IKZF1: variants seen among roughly 807,000 people sequenced by gnomAD.
IKZF1 encodes IKAROS family zinc finger 1.
A neutral mutation model predicts 51.7 loss-of-function variants in IKZF1; 10 were observed. That is an observed-to-expected ratio of 0.19 (90% CI 0.12 to 0.33). The LOEUF (loss-of-function observed/expected upper bound fraction) is 0.33, where lower values mean the gene tolerates loss of function less well. Among genes scored for constraint, IKZF1 ranks in the 10% least tolerant of loss-of-function variants. IKZF1 has a pLI of 1.00. For synonymous variants in IKZF1, 280 were observed against 282.3 expected, an observed-to-expected ratio of 0.99 and a Z score of 0.08; for missense variants, 484 against 707.5, an observed-to-expected ratio of 0.68 and a Z score of 3.58.
At chr7:50,371,620 C>G (rs530932121) in intron 3 of IKZF1, among the ~76,000 whole-genome samples, 18 of 152,204 alleles carry the variant, frequency 1.2e-4, no homozygotes, top group Non-Finnish European at 2.6e-4. Context: ...ACTGGAAACC[C>G]CTCTCTCAGA....
intron 1 of IKZF1, among the ~76,000 whole-genome samples, chr7:50,316,216 G>A (rs1002580228): frequency 6.6e-6 from 1 of 152,082 alleles, no homozygotes; most frequent in Non-Finnish European, 1.5e-5. Flanking sequence ...AGTGCAGACC[G>A]AAAACTTGAG....
intron 3 of IKZF1, among the ~76,000 whole-genome samples, chr7:50,332,697 G>A (rs1227507496): frequency 6.6e-6 from 1 of 152,234 alleles, no homozygotes; most frequent in Admixed American, 6.5e-5. Context: ...AAGGCCAAAG[G>A]ATTGAGGCCC....
chr7:50,339,726 C>T (rs1798635616), intron 3 of IKZF1, among the ~76,000 whole-genome samples: 2 of 150,998 alleles, frequency 1.3e-5, no homozygotes, highest in African/African-American at 2.4e-5. Context: ...TGTACTCCAG[C>T]CTGGGTGATA....
chr7:50,356,768 C>T (rs917654249), intron 3 of IKZF1, among the ~76,000 whole-genome samples: 3 of 152,072 alleles, frequency 2.0e-5, no homozygotes, highest in Admixed American at 2.0e-4. Flanking sequence ...AGGGCTTTTA[C>T]AATATAGCCA....
chr7:50,389,819 G>A (rs943248677), intron 6 of IKZF1, among the ~76,000 whole-genome samples: 2 of 152,112 alleles, frequency 1.3e-5, no homozygotes, highest in African/African-American at 4.8e-5. Context: ...GTACCCGGAT[G>A]AGTGGAAACT....
chr7:50,357,330 G>C (rs1045968055), intron 3 of IKZF1, among the ~76,000 whole-genome samples: 1 of 151,890 alleles, frequency 6.6e-6, no homozygotes, highest in East Asian at 1.9e-4. Context: ...GATTCTCTGA[G>C]CCAGCCACCA....
At position 50,401,130 on chromosome 7, in the gene IKZF1, GAC is replaced by G. The variant is rs1289583454; in HGVS notation, c.*507_*508del. The G allele has an allele frequency of 1.2e-5, 3 of 250,414 alleles. No individual in the cohort carries two copies. Among genetic ancestry groups the G allele is most frequent in the African/African-American group, 2.2e-5 (1 of 45,380 alleles). The allele number at this position is 250,414 out of a possible 1,614,324, so 15.5% of individuals were successfully genotyped here. On this transcript the variant is annotated 3_prime_UTR_variant, in exon 8 of 8. Transcript: ENST00000331340. ...AGGTGTGCCGCCACCCAAGTGCCAA[GAC>G]ACAGCAGGGCCAACAACCTGTGCCC...
At chr7:50,353,815 G>A (rs760086130) in intron 3 of IKZF1, among the ~76,000 whole-genome samples, 1 of 152,200 alleles carries the variant, frequency 6.6e-6, no homozygotes, top group Non-Finnish European at 1.5e-5. Flanking sequence ...CTCTCCAGGA[G>A]TATCACATTT....
At chr7:50,395,065 T>C (rs1816322752) in intron 7 of IKZF1, among the ~76,000 whole-genome samples, 1 of 152,214 alleles carries the variant, frequency 6.6e-6, no homozygotes, top group South Asian at 2.1e-4. Context: ...AGAAACCCTG[T>C]TATATTGTTA....
chr7:50,365,672 T>C (rs1292213099), intron 3 of IKZF1, among the ~76,000 whole-genome samples: 1 of 152,222 alleles, frequency 6.6e-6, no homozygotes, highest in South Asian at 2.1e-4. Flanking sequence ...GGAACGCTTA[T>C]ACACTGTTGA....
intron 3 of IKZF1, among the ~76,000 whole-genome samples, chr7:50,375,491 T>G (rs936961891): frequency 6.6e-5 from 10 of 152,232 alleles, no homozygotes; most frequent in African/African-American, 2.4e-4. Flanking sequence ...TGGCTTTCAG[T>G]GTAACTACAA....
intron 2 of IKZF1, among the ~76,000 whole-genome samples, chr7:50,325,589 C>T (rs781724594): frequency 6.6e-5 from 10 of 152,178 alleles, no homozygotes; most frequent in South Asian, 2.1e-4. Flanking sequence ...TTGGCTAACA[C>T]GGTGAAACCC....
chr7:50,366,192 C>G (rs1008312947), intron 3 of IKZF1, among the ~76,000 whole-genome samples: 6 of 152,132 alleles, frequency 3.9e-5, no homozygotes, highest in African/African-American at 1.2e-4. Flanking sequence ...ATCTGTATAA[C>G]AAACCCCCAT....
In IKZF1 at chr7:50,382,724, C is replaced by T. The variant is rs748787615; in HGVS notation, c.589+17C>T. ...CGCACTCCGGTAGGTCCCCTGGATG[C>T]AGTCCGGGGCTGTCTGGGTGTCCCG... On this transcript the variant is annotated intron_variant, in intron 5 of 7. Transcript: ENST00000331340. 15 of 1,594,558 alleles carry T rather than the reference C, an allele frequency of 9.4e-6. No individual in the cohort carries two copies. The South Asian group carries it at 1.7e-4, about 18-fold the overall frequency.
chr7:50,313,614 A>G (rs1362324100), intron 1 of IKZF1, among the ~76,000 whole-genome samples: 1 of 152,242 alleles, frequency 6.6e-6, no homozygotes, highest in Admixed American at 6.5e-5. Flanking sequence ...AGGCATCACC[A>G]TCAGACTGCA....
chr7:50,317,352 G>T (rs543602555), intron 1 of IKZF1, among the ~76,000 whole-genome samples: 23 of 152,284 alleles, frequency 1.5e-4, no homozygotes, highest in African/African-American at 4.6e-4. Context: ...AGTGTGGCAC[G>T]GCTGTTACAA....
chr7:50,326,535 C>T (rs1795069196), intron 2 of IKZF1, among the ~76,000 whole-genome samples: 1 of 152,244 alleles, frequency 6.6e-6, no homozygotes, highest in Non-Finnish European at 1.5e-5. Context: ...GAGAAAAGAG[C>T]ATTTCCTACT....
rs1401626131 is a variant in IKZF1, at chr7:50,387,477, G to T, written c.715+7G>T. The T allele has an allele frequency of 6.2e-7, 1 of 1,604,862 alleles. No individual in the cohort carries two copies. Among genetic ancestry groups the T allele is most frequent in the South Asian group, 1.1e-5 (1 of 89,590 alleles). ...CCGGGCACACTGTACCCAGGTAAGC[G>T]CTGCTGCTCGGAGGCCAGCCTGGTG... On this transcript the variant is annotated splice_region_variant and intron_variant, in intron 6 of 7. Transcript: ENST00000331340.
At chr7:50,305,362 G>C (rs755489979) in intron 1 of IKZF1, among the ~76,000 whole-genome samples, 21 of 152,284 alleles carry the variant, frequency 1.4e-4, no homozygotes, top group Non-Finnish European at 2.6e-4. Flanking sequence ...GCTTTGAAAA[G>C]TTAGTCCTTT....
Sources: gnomAD v4.1 joint callset for allele counts (sites outside exome capture counted in the v4.1 genomes callset) on GRCh38, gnomAD v4.1.1 for gene constraint, MANE v1.5 for transcripts, NCBI Gene and HGNC (gene_info 2026-07-23, HGNC 2026-07-21) for gene names.